TEX11: variants seen among roughly 807,000 people sequenced by gnomAD.
TEX11 encodes testis-expressed protein 11.
In TEX11, 7 loss-of-function variants were observed where a neutral mutation model predicts 84.4. That is an observed-to-expected ratio of 0.08 (90% CI 0.05 to 0.16). TEX11 has a LOEUF of 0.16. Among genes scored for constraint, TEX11 ranks in the 10% least tolerant of loss-of-function variants. TEX11 has a pLI of 1.00. For missense variants in TEX11, 551 were observed against 660.5 expected (o/e 0.83, Z 1.82); for synonymous variants, 264 against 222.8 (o/e 1.18, Z -1.64).
chrX:70,760,490 C>T (rs185822620), intron 9 of TEX11, among the ~76,000 whole-genome samples: 1 of 111,485 alleles, frequency 9.0e-6, no homozygotes, highest in Admixed American at 9.6e-5. Context: ...ACAAACCTGA[C>T]AAAAACAAGC....
intron 13 of TEX11, among the ~76,000 whole-genome samples, chrX:70,717,478 C>T (rs926562682): frequency 1.8e-5 from 2 of 111,055 alleles, no homozygotes; most frequent in African/African-American, 3.3e-5. Flanking sequence ...GCCACCACAG[C>T]CCGCTCATTT....
chrX:70,791,388 G>A (rs2065800566), intron 9 of TEX11, among the ~76,000 whole-genome samples: 1 of 112,003 alleles, frequency 8.9e-6, no homozygotes, highest in Non-Finnish European at 1.9e-5. Context: ...CCTATGAATA[G>A]CCTCAGTCAC....
At chrX:70,861,668 C>T (rs1009107953) in intron 4 of TEX11, among the ~76,000 whole-genome samples, 1 of 109,595 alleles carries the variant, frequency 9.1e-6, no homozygotes, top group Non-Finnish European at 1.9e-5. Flanking sequence ...GGACTCACCA[C>T]GTTGACCAGG....
chrX:70,897,643 G>A (rs1395048809), intron 2 of TEX11: 16 of 86,612 alleles, frequency 1.8e-4, no homozygotes, highest in Non-Finnish European at 3.5e-4. Context: ...AAGGAAGGAA[G>A]GAAGGAAGGA....
At chrX:70,542,285 C>T (rs772099124) in intron 28 of TEX11, among the ~76,000 whole-genome samples, 20 of 111,040 alleles carry the variant, frequency 1.8e-4, no homozygotes, top group African/African-American at 5.2e-4. Flanking sequence ...CAGAAAGGAC[C>T]GTCTATGGGG....
At chrX:70,562,799 C>T (rs935898398) in intron 25 of TEX11, among the ~76,000 whole-genome samples, 3 of 112,360 alleles carry the variant, frequency 2.7e-5, no homozygotes, top group Admixed American at 9.5e-5. Flanking sequence ...TAAAGATTCT[C>T]TCATGTTACC....
chrX:70,713,275 G>A (rs1260249138), intron 13 of TEX11, among the ~76,000 whole-genome samples: 1 of 111,729 alleles, frequency 9.0e-6, no homozygotes, highest in African/African-American at 3.3e-5. Context: ...GCCTCTACCA[G>A]GCTTTGGTAT....
At chrX:70,781,594 A>G (rs1415739339) in intron 9 of TEX11, among the ~76,000 whole-genome samples, 1 of 111,902 alleles carries the variant, frequency 8.9e-6, no homozygotes, top group Non-Finnish European at 1.9e-5. Flanking sequence ...ATGGCTAACT[A>G]GAACAAACAG....
chrX:70,812,270 G>C (rs914089806), intron 8 of TEX11, among the ~76,000 whole-genome samples: 1 of 108,750 alleles, frequency 9.2e-6, no homozygotes, highest in African/African-American at 3.4e-5. Flanking sequence ...AGTGGCGCAC[G>C]ATCTCCGCTC....
rs772461116 is a variant in TEX11, at chrX:70,529,990, G to C, written c.2530C>G (p.Pro844Ala). 9 of 1,204,508 alleles carry C rather than the reference G, an allele frequency of 7.5e-6. No homozygotes were observed. Among genetic ancestry groups the C allele is most frequent in the African/African-American group, 3.5e-5 (2 of 56,927 alleles). The change falls in exon 29 of 30, where the codon CCA (proline) becomes GCA (alanine). Residue 844 changes from proline (P) to alanine (A), a missense_variant. Pro to Ala is a conservative substitution (Grantham distance 27). Transcript: ENST00000374333. ...ATCAGCCAGAGAATCTCCATTTCTG[G>C]GTAGTCTTTCTATAATCCAAGAACA... The part of the protein sequence containing the change: ...LSHISRTKDY[P>A]EMEILWLMVK...
At chrX:70,833,432 G>A in intron 8 of TEX11, 81 bp downstream of exon 8, 1 of 778,871 alleles carries the variant, frequency 1.3e-6, no homozygotes, top group Non-Finnish European at 2.0e-6. Flanking sequence ...TCTCCAAAAG[G>A]TTGCATGAAG....
intron 8 of TEX11, among the ~76,000 whole-genome samples, chrX:70,826,725 T>C (rs1161290585): frequency 2.7e-5 from 3 of 111,439 alleles, no homozygotes; most frequent in Admixed American, 1.9e-4. Context: ...GGACCAGCCT[T>C]AGCCACAGGA....
At chrX:70,904,972 C>T (rs919238970) in intron 2 of TEX11, among the ~76,000 whole-genome samples, 4 of 112,033 alleles carry the variant, frequency 3.6e-5, no homozygotes, top group African/African-American at 9.7e-5. Context: ...GTCAGTTGGA[C>T]GGCACTGCCC....
Position 70,554,700 on chromosome X carries a change from T to C in TEX11, c.2241A>G (p.Ser747=), listed in dbSNP as rs756545732. 6.6e-6 allele frequency: 8 copies of C among 1,209,698 alleles called. No individual in the cohort carries two copies. The highest frequency in any genetic ancestry group is 2.3e-4 in the Middle Eastern group (1 of 4,340). The change falls in exon 26 of 30, where the codon TCA becomes TCG. Residue 747 remains serine, a synonymous_variant. Coordinates refer to ENST00000374333, the MANE Select transcript of TEX11 (RefSeq NM_031276.3). The part of the protein sequence containing the change: ...NDPLLESFLE[S]VWELPHLETK... ...TTTCTAAATGAGGCAACTCCCACACTGATTCCAGGAAGCTTTCCAGTAATG... is the reference window on the plus strand; with the variant it reads ...TTTCTAAATGAGGCAACTCCCACACCGATTCCAGGAAGCTTTCCAGTAATG...
chrX:70,843,821 C>G (rs1472630887), intron 7 of TEX11, among the ~76,000 whole-genome samples: 1 of 111,741 alleles, frequency 8.9e-6, no homozygotes, highest in African/African-American at 3.3e-5. Flanking sequence ...AGACACTTCT[C>G]AAAAGAAGAC....
At chrX:70,835,940 T>C (rs1416581842) in intron 7 of TEX11, among the ~76,000 whole-genome samples, 1 of 109,885 alleles carries the variant, frequency 9.1e-6, no homozygotes, top group African/African-American at 3.3e-5. Flanking sequence ...GGCAAAACCC[T>C]GTCTCTACTA....
chrX:70,657,321 C>CA (rs1343938326), intron 16 of TEX11, among the ~76,000 whole-genome samples: 2 of 109,352 alleles, frequency 1.8e-5, no homozygotes, highest in African/African-American at 6.7e-5. Flanking sequence ...AAACCAAAAA[C>CA]AAAAAAGGGA....
chrX:70,567,565 T>C (rs1187651490), intron 25 of TEX11, among the ~76,000 whole-genome samples: 1 of 111,295 alleles, frequency 9.0e-6, no homozygotes, highest in African/African-American at 3.3e-5. Flanking sequence ...TCCCTCTACA[T>C]ACTGTTTTGA....
chrX:70,613,638 A>C (rs2089286848), intron 20 of TEX11, among the ~76,000 whole-genome samples: 1 of 111,530 alleles, frequency 9.0e-6, no homozygotes, highest in Non-Finnish European at 1.9e-5. Flanking sequence ...CAAGGACTGC[A>C]AGTCTTAGTG....
Sources: gnomAD v4.1 joint callset for allele counts (sites outside exome capture counted in the v4.1 genomes callset) on GRCh38, gnomAD v4.1.1 for gene constraint, MANE v1.5 for transcripts, NCBI Gene and HGNC (gene_info 2026-07-23, HGNC 2026-07-21) for gene names.